Variants in DLG2 observed in about 807,000 individuals in gnomAD.
DLG2 encodes the protein disks large homolog 2.
DLG2 carries 45 observed loss-of-function variants against 132.5 expected under a neutral mutation model. That is an observed-to-expected ratio of 0.34 (90% CI 0.27 to 0.44). The LOEUF (loss-of-function observed/expected upper bound fraction) is 0.44, where lower values mean the gene tolerates loss of function less well. DLG2 is among the 20% of genes least tolerant of loss of function. DLG2 has a pLI of 1.00. For missense variants in DLG2, 1,045 were observed against 1,196.9 expected (o/e 0.87, Z 1.87); for synonymous variants, 424 against 419.6 (o/e 1.01, Z -0.13).
chr11:83,827,661 A>G (rs1046590128), intron 17 of DLG2, among the ~76,000 whole-genome samples: 8 of 152,142 alleles, frequency 5.3e-5, no homozygotes, highest in Non-Finnish European at 7.4e-5. Context: ...AGGAATGAAT[A>G]AACTAAAATT....
At chr11:83,982,614 A>C (rs1468322064) in intron 11 of DLG2, among the ~76,000 whole-genome samples, 1 of 152,128 alleles carries the variant, frequency 6.6e-6, no homozygotes, top group Non-Finnish European at 1.5e-5. Context: ...AAAGTAAAAA[A>C]GTTACAGTGA....
intron 7 of DLG2, among the ~76,000 whole-genome samples, chr11:84,335,056 A>T (rs2154403081): frequency 6.6e-6 from 1 of 151,728 alleles, no homozygotes; most frequent in South Asian, 2.1e-4. Context: ...ATTTAATACT[A>T]TTTAAAAACT....
intron 6 of DLG2, among the ~76,000 whole-genome samples, chr11:84,752,211 T>C (rs2153835841): frequency 6.6e-6 from 1 of 152,302 alleles, no homozygotes; most frequent in Non-Finnish European, 1.5e-5. Flanking sequence ...TCACTTCACT[T>C]TCCTTCATTC....
At chr11:85,125,113 A>G (rs1264398893) in intron 5 of DLG2, among the ~76,000 whole-genome samples, 1 of 152,214 alleles carries the variant, frequency 6.6e-6, no homozygotes, top group Admixed American at 6.5e-5. Flanking sequence ...TACAGGCGTG[A>G]GCCACCGTGC....
At chr11:85,498,727 T>C (rs2093725948) in intron 3 of DLG2, among the ~76,000 whole-genome samples, 1 of 152,146 alleles carries the variant, frequency 6.6e-6, no homozygotes, top group African/African-American at 2.4e-5. Context: ...CACAACAAAC[T>C]GTCTCTCAGA....
At chr11:85,034,774 A>G (rs563506025) in intron 6 of DLG2, among the ~76,000 whole-genome samples, 3 of 152,272 alleles carry the variant, frequency 2.0e-5, no homozygotes, top group Admixed American at 2.0e-4. Flanking sequence ...CTTACAGTGC[A>G]TGGAGGAGTA....
chr11:83,751,996 C>T (rs184726487), intron 18 of DLG2, among the ~76,000 whole-genome samples: 18 of 152,274 alleles, frequency 1.2e-4, no homozygotes, highest in South Asian at 4.1e-4. Flanking sequence ...TGCCTGGCTG[C>T]GGTGGCTCAC....
intron 6 of DLG2, among the ~76,000 whole-genome samples, chr11:84,934,221 C>T (rs2048420293): frequency 1.3e-5 from 2 of 152,184 alleles, no homozygotes; most frequent in South Asian, 4.1e-4. Context: ...AGATATAAAG[C>T]CTACTTTATC....
chr11:85,463,610 A>T (rs186947184), intron 3 of DLG2, among the ~76,000 whole-genome samples: 154 of 152,084 alleles, frequency 1.0e-3, no homozygotes, highest in South Asian at 3.9e-3. Flanking sequence ...CTATAAAAAA[A>T]TTTTTTTTAA....
chr11:84,844,007 A>T (rs565046655), intron 6 of DLG2, among the ~76,000 whole-genome samples: 64 of 148,480 alleles, frequency 4.3e-4, no homozygotes, highest in African/African-American at 1.6e-3. Flanking sequence ...TATATATATT[A>T]TGTTCCCATA....
At chr11:84,100,322 T>C (rs904341890) in intron 9 of DLG2, among the ~76,000 whole-genome samples, 1 of 140,652 alleles carries the variant, frequency 7.1e-6, no homozygotes, top group African/African-American at 2.6e-5. Context: ...TATATATCTC[T>C]CTCTCTAAAG....
chr11:85,512,695 A>C (rs1439488627), intron 3 of DLG2, among the ~76,000 whole-genome samples: 3 of 152,078 alleles, frequency 2.0e-5, no homozygotes, highest in Non-Finnish European at 4.4e-5. Context: ...AAAATAACAG[A>C]TGTTGGTGAG....
intron 3 of DLG2, among the ~76,000 whole-genome samples, chr11:85,490,635 T>A (rs1484895680): frequency 6.6e-6 from 1 of 151,838 alleles, no homozygotes; most frequent in Non-Finnish European, 1.5e-5. Flanking sequence ...ACCACAGAAA[T>A]ACAAAAGATC....
intron 19 of DLG2, among the ~76,000 whole-genome samples, chr11:83,578,654 A>G (rs2096921016): frequency 6.6e-6 from 1 of 152,214 alleles, no homozygotes; most frequent in African/African-American, 2.4e-5. Context: ...AGAGCAAAGA[A>G]TATTATGAGC....
chr11:85,423,035 G>C (rs576188852), intron 3 of DLG2, among the ~76,000 whole-genome samples: 1 of 152,034 alleles, frequency 6.6e-6, no homozygotes, highest in South Asian at 2.1e-4. Flanking sequence ...CATGTTACTA[G>C]AGTTGGTTTT....
intron 3 of DLG2, among the ~76,000 whole-genome samples, chr11:85,415,324 G>A (rs1037751921): frequency 6.6e-6 from 1 of 152,128 alleles, no homozygotes; most frequent in African/African-American, 2.4e-5. Flanking sequence ...AAACATACAT[G>A]TGCATGTGTC....
At chr11:85,084,632 G>A (rs1297953390) in intron 6 of DLG2, among the ~76,000 whole-genome samples, 1 of 152,076 alleles carries the variant, frequency 6.6e-6, no homozygotes, top group Non-Finnish European at 1.5e-5. Context: ...GCTAATCCAA[G>A]GACTCATAAC....
chr11:84,484,786 C>CG (rs2099146750), intron 7 of DLG2, among the ~76,000 whole-genome samples: 1 of 152,088 alleles, frequency 6.6e-6, no homozygotes, highest in African/African-American at 2.4e-5. Flanking sequence ...TTTCAAGTCA[C>CG]GTGGCTCTTT....
chr11:83,700,130 G>A (rs2082667702), intron 18 of DLG2, among the ~76,000 whole-genome samples: 1 of 151,934 alleles, frequency 6.6e-6, no homozygotes, highest in Admixed American at 6.6e-5. Flanking sequence ...ATAAAATTAG[G>A]ATAGCAATTG....
Sources: gnomAD v4.1 joint callset for allele counts (sites outside exome capture counted in the v4.1 genomes callset) on GRCh38, gnomAD v4.1.1 for gene constraint, MANE v1.5 for transcripts, NCBI Gene and HGNC (gene_info 2026-07-23, HGNC 2026-07-21) for gene names.